HK1: variants seen among roughly 807,000 people sequenced by gnomAD.
HK1 encodes the protein hexokinase 1.
A neutral mutation model predicts 91.6 loss-of-function variants in HK1; 28 were observed. That is an observed-to-expected ratio of 0.31 (90% CI 0.23 to 0.42). The LOEUF (loss-of-function observed/expected upper bound fraction) is 0.42, where lower values mean the gene tolerates loss of function less well. Among genes scored for constraint, HK1 ranks in the 10% least tolerant of loss-of-function variants. The pLI is 1.00. For missense variants in HK1, 770 were observed against 1,219.8 expected (o/e 0.63, Z 5.49); for synonymous variants, 430 against 468.1 (o/e 0.92, Z 1.05).
chr10:69,364,428 G>A (rs1454925617), intron 3 of HK1, among the ~76,000 whole-genome samples: 1 of 152,148 alleles, frequency 6.6e-6, no homozygotes, highest in Non-Finnish European at 1.5e-5. Flanking sequence ...GGTGGCTGGT[G>A]GAGATCCGTG....
At chr10:69,315,639 C>T (rs1277542747), upstream of HK1, 3 of 437,122 alleles carry the variant, frequency 6.9e-6, no homozygotes, top group East Asian at 9.5e-5. Flanking sequence ...GAAGTCAGCA[C>T]TGGAACAACA....
chr10:69,291,607 C>G (rs919673232), intron 3 of HK1, among the ~76,000 whole-genome samples: 1 of 152,180 alleles, frequency 6.6e-6, no homozygotes, highest in Admixed American at 6.5e-5. Flanking sequence ...ACTCAGGACT[C>G]TCTCACTCCA....
upstream of HK1, chr10:69,315,812 G>T: frequency 1.2e-6 from 1 of 801,502 alleles, no homozygotes; most frequent in Non-Finnish European, 2.2e-6. Context: ...TTGGGGGTGG[G>T]ATGGACAGAG....
At chr10:69,384,666 AG>A in intron 11 of HK1, 129 bp from the exon 12 acceptor site, 1 of 1,437,760 alleles carries the variant, frequency 7.0e-7, no homozygotes. Flanking sequence ...ATTCTGGAAA[AG>A]GAGGCTCACT....
At chr10:69,318,829 G>A (rs934583803), upstream of HK1, 262 of 1,446,114 alleles carry the variant, frequency 1.8e-4, no homozygotes, top group Admixed American at 9.0e-4. Context: ...CGAGGGGGAG[G>A]AGCCGGGGGA....
At chr10:69,352,490 C>CCA (rs1848929045) in intron 2 of HK1, among the ~76,000 whole-genome samples, 2 of 152,138 alleles carry the variant, frequency 1.3e-5, no homozygotes, top group Non-Finnish European at 2.9e-5. Flanking sequence ...TAATTTAAAA[C>CCA]CAGTGGCTTC....
At chr10:69,386,791 T>C (rs888058358) in intron 13 of HK1, 2 of 158,414 alleles carry the variant, frequency 1.3e-5, no homozygotes, top group African/African-American at 4.8e-5. Flanking sequence ...AATAAATAAA[T>C]AAATAAATAA....
chr10:69,312,116 G>A (rs751126150), upstream of HK1, among the ~76,000 whole-genome samples: 8 of 152,200 alleles, frequency 5.3e-5, no homozygotes, highest in Non-Finnish European at 8.8e-5. Context: ...TTCCCCCTCC[G>A]TGAATTTGCT....
intron 5 of HK1, among the ~76,000 whole-genome samples, chr10:69,307,958 C>A (rs979710636): frequency 6.6e-6 from 1 of 152,046 alleles, no homozygotes; most frequent in African/African-American, 2.4e-5. Context: ...CCTGCCCCAG[C>A]CTCTGGAGTA....
intron 4 of HK1, chr10:69,295,817 A>G (rs1845537266): frequency 4.3e-6 from 3 of 700,468 alleles, no homozygotes; most frequent in African/African-American, 3.5e-5. Flanking sequence ...GTGGAGCAGT[A>G]TTGACCTCCA....
chr10:69,373,486 A>G (rs1850123502), intron 7 of HK1, among the ~76,000 whole-genome samples: 1 of 151,692 alleles, frequency 6.6e-6, no homozygotes, highest in South Asian at 2.1e-4. Context: ...TCGCCCTTAT[A>G]TTCCAGGCCT....
At chr10:69,273,364 C>T (rs995025418) in intron 1 of HK1, among the ~76,000 whole-genome samples, 1 of 152,104 alleles carries the variant, frequency 6.6e-6, no homozygotes, top group African/African-American at 2.4e-5. Context: ...TACAGGCGCC[C>T]GTCACCACAC....
intron 1 of HK1, among the ~76,000 whole-genome samples, chr10:69,274,380 C>CT (rs1844334452): frequency 1.3e-5 from 2 of 152,128 alleles, no homozygotes; most frequent in South Asian, 4.2e-4. Flanking sequence ...GGTAGATCAC[C>CT]TGAGGTCAGG....
Position 69,360,597 on chromosome 10 carries a change from G to A in HK1, c.375+552G>A, listed in dbSNP as rs536781073. Among the ~76,000 whole-genome samples, 8 of 152,282 alleles carry A rather than the reference G, an allele frequency of 5.3e-5. No homozygotes were observed. In the South Asian group the frequency reaches 6.2e-4, roughly 12 times the overall value. ...AAAGCAGAGGAAGCAGGGAAATCACGGTCCCCTCCTTTTACACTCCTGTTG... is the reference window on the plus strand; with the variant it reads ...AAAGCAGAGGAAGCAGGGAAATCACAGTCCCCTCCTTTTACACTCCTGTTG... On this transcript the variant is annotated intron_variant, in intron 3 of 17. Transcript: ENST00000359426.
chr10:69,295,484 C>A, intron 3 of HK1: 2 of 681,438 alleles, frequency 2.9e-6, no homozygotes, highest in Non-Finnish European at 2.7e-6. Context: ...AATTGGTAAT[C>A]ATGATAGAAT....
At chr10:69,308,667 G>A (rs898053964) in intron 5 of HK1, among the ~76,000 whole-genome samples, 7 of 152,136 alleles carry the variant, frequency 4.6e-5, no homozygotes, top group African/African-American at 7.2e-5. Flanking sequence ...CCTTGCTTTC[G>A]GGTCTGGTTC....
chr10:69,316,123 G>A, upstream of HK1: 4 of 929,962 alleles, frequency 4.3e-6, no homozygotes, highest in South Asian at 3.9e-5. Context: ...GGGAATATGA[G>A]CGGCGAACAA....
intron 2 of HK1, among the ~76,000 whole-genome samples, chr10:69,286,722 G>A (rs12263929): frequency 0.089 from 13,593 of 151,922 alleles, 1,068 homozygotes; most frequent in African/African-American, 0.21. Flanking sequence ...CTAATTTTTT[G>A]TATTTAGTAG....
In HK1 at chr10:69,304,632, T is replaced by G. The variant is rs532467430; in HGVS notation, c.27+3771T>G. Among the ~76,000 whole-genome samples, 8 of 152,294 alleles carry G rather than the reference T, an allele frequency of 5.3e-5. No individual in the cohort carries two copies. The South Asian group carries it at 1.0e-3, about 20-fold the overall frequency. On this transcript the variant is annotated intron_variant, in intron 5 of 21. Transcript: ENST00000360289. ...CTCATCTTTGTTTTAAACTATAAAC[T>G]AAGTTCCTCCCAAAGTTAGTTCAGC...
Sources: gnomAD v4.1 joint callset for allele counts (sites outside exome capture counted in the v4.1 genomes callset) on GRCh38, gnomAD v4.1.1 for gene constraint, MANE v1.5 for transcripts, NCBI Gene and HGNC (gene_info 2026-07-23, HGNC 2026-07-21) for gene names.